CGAS: variants seen among roughly 807,000 people sequenced by gnomAD.
CGAS encodes cyclic GMP-AMP synthase.
In CGAS, 31 loss-of-function variants were observed where a neutral mutation model predicts 34.0. The ratio of observed to expected loss-of-function variants is 0.91; its 90% CI spans 0.69 to 1.23. The LOEUF is 1.23. Among genes scored for constraint, CGAS ranks in the 50% most tolerant of loss-of-function variants. The probability of loss-of-function intolerance (pLI) is 0.00; values close to 1 mark genes in which losing one functional copy is unlikely to be tolerated. For synonymous variants in CGAS, 266 were observed against 260.0 expected, an observed-to-expected ratio of 1.02 and a Z score of -0.22; for missense variants, 597 against 657.6, an observed-to-expected ratio of 0.91 and a Z score of 1.01.
chr6:73,432,204 C>G (rs1346491040), intron 3 of CGAS, among the ~76,000 whole-genome samples: 1 of 152,054 alleles, frequency 6.6e-6, no homozygotes, highest in Non-Finnish European at 1.5e-5. Flanking sequence ...CTCTGTTGCC[C>G]AGGCTGGAGT....
intron 2 of CGAS, among the ~76,000 whole-genome samples, chr6:73,443,405 G>GT (rs1367987819): frequency 6.6e-6 from 1 of 151,258 alleles, no homozygotes; most frequent in Non-Finnish European, 1.5e-5. Flanking sequence ...CGCCCGGCTA[G>GT]TTTTTTGTAT....
chr6:73,428,201 G>A (rs1246975947), intron 4 of CGAS, among the ~76,000 whole-genome samples: 2 of 151,568 alleles, frequency 1.3e-5, no homozygotes, highest in Non-Finnish European at 2.9e-5. Context: ...TCCAGTCTGG[G>A]TGACAGAGTG....
rs1295939197 is a variant in CGAS, at chr6:73,452,029, G to A, written c.153C>T (p.Phe51=). The A allele has an allele frequency of 1.3e-6, 2 of 1,492,608 alleles. No homozygotes were observed. Among genetic ancestry groups the A allele is most frequent in the Middle Eastern group, 1.8e-4 (1 of 5,448 alleles). 92.5% of individuals were successfully genotyped at this position (1,492,608 alleles called of 1,614,324 possible). The change falls in exon 1 of 5, where the codon TTC becomes TTT. Residue 51 remains phenylalanine, a synonymous_variant. Coordinates refer to ENST00000370315, the MANE Select transcript of CGAS (RefSeq NM_138441.3). ...PEAALPKAGK[F]GPARKSGSRQ... Reference sequence around the variant, plus strand: ...GGGATCCCGACTTCCTGGCGGGGCCGAACTTTCCCGCCTTAGGCAGGGCGG... The same window carrying A: ...GGGATCCCGACTTCCTGGCGGGGCCAAACTTTCCCGCCTTAGGCAGGGCGG...
At chr6:73,446,885 G>A (rs1054730661) in intron 1 of CGAS, among the ~76,000 whole-genome samples, 3 of 151,894 alleles carry the variant, frequency 2.0e-5, no homozygotes, top group East Asian at 1.9e-4. Context: ...GTGGAACTTC[G>A]TCTCTATTAA....
Position 73,424,235 on chromosome 6 carries a change from C to CT in CGAS, c.*991_*992insA, listed in dbSNP as rs1220548669. 6.6e-6 allele frequency: 1 copy of CT among 152,066 alleles called. No individual in the cohort carries two copies. Among genetic ancestry groups the CT allele is most frequent in the Non-Finnish European group, 1.5e-5 (1 of 68,024 alleles). The allele number at this position is 152,066 out of a possible 1,614,324, so 9.4% of individuals were successfully genotyped here. A position where few individuals can be genotyped will look rare whatever the true frequency, so the allele number is the denominator to read the frequency against. ...GGATCACAAGGTAAGGAGATCGAGA[C>CT]CATCCTGGCTAACATGGTGAAACCC... On this transcript the variant is annotated 3_prime_UTR_variant, in exon 5 of 5. Transcript: ENST00000370315.
rs762186167 is a variant in CGAS, at chr6:73,428,729, G to C, written c.1197C>G (p.Asn399Lys). The change falls in exon 4 of 5, where the codon AAC (asparagine) becomes AAG (lysine). Residue 399 changes from asparagine to lysine, a missense_variant. Around this residue, in one of 3 missense-constraint regions of CGAS, gnomAD observed 271 missense variants for 324.1 expected, o/e 0.84. Transcript: ENST00000370315. Reference protein sequence around the residue: ...NHGKSKTCCENKEEKCCRKDC... With the variant: ...NHGKSKTCCEKKEEKCCRKDC... ...GTTACCTGCAACATTTCTCTTCTTT[G>C]TTTTCACAGCACGTTTTAGATTTTC... 5.6e-6 allele frequency: 9 copies of C among 1,612,866 alleles called. No individual in the cohort carries two copies. The highest frequency in any genetic ancestry group is 2.2e-5 in the South Asian group (2 of 90,766).
intron 3 of CGAS, among the ~76,000 whole-genome samples, chr6:73,429,885 C>T (rs1294027208): frequency 3.9e-5 from 6 of 151,942 alleles, no homozygotes; most frequent in Non-Finnish European, 7.4e-5. Flanking sequence ...CTCTGACCAC[C>T]CTGTTACTTC....
In CGAS at chr6:73,433,474, T is replaced by G. The variant is rs1269761943; in HGVS notation, c.1115-4663A>C. 3.4e-5 allele frequency among the ~76,000 whole-genome samples: 5 copies of G among 148,024 alleles called. No homozygotes were observed. The Admixed American group carries it at 3.4e-4, about 10-fold the overall frequency. ...AGACTCACAACTCTCTATAAAAACTTTTATAGAGAGTTTTTTTTTTTTAAT... is the reference window on the plus strand; with the variant it reads ...AGACTCACAACTCTCTATAAAAACTGTTATAGAGAGTTTTTTTTTTTTAAT... On this transcript the variant is annotated intron_variant, in intron 3 of 4. Coordinates refer to ENST00000370315, the MANE Select transcript of CGAS (RefSeq NM_138441.3).
At chr6:73,439,430 G>A (rs1770336758) in intron 3 of CGAS, among the ~76,000 whole-genome samples, 1 of 149,410 alleles carries the variant, frequency 6.7e-6, no homozygotes, top group African/African-American at 2.5e-5. Context: ...GCAGCAAGCT[G>A]AGATTGTGCC....
chr6:73,450,097 GAGAGA>G (rs149585527), intron 1 of CGAS, among the ~76,000 whole-genome samples: 101 of 149,958 alleles, frequency 6.7e-4, no homozygotes, highest in African/African-American at 2.0e-3. Flanking sequence ...CAGAGAGATA[GAGAGA>G]AGAGAAGAGA....
Position 73,451,669 on chromosome 6 carries a change from C to CT in CGAS, c.512dup (p.Leu172ValfsTer7). 1 of 1,614,106 alleles carries CT rather than the reference C, an allele frequency of 6.2e-7. No individual in the cohort carries two copies. The highest frequency in any genetic ancestry group is 8.5e-7 in the Non-Finnish European group (1 of 1,180,024). On this transcript the variant is annotated frameshift_variant, in exon 1 of 5. Transcript: ENST00000370315. LOFTEE classifies it high-confidence loss of function. Reference sequence around the variant, plus strand: ...AGATATCATCGCGGCTGAGCTTCAACTTCTCCAAAACCGCCCGGAGCTTCG... The same window carrying CT: ...AGATATCATCGCGGCTGAGCTTCAACTTTCTCCAAAACCGCCCGGAGCTTCG...
chr6:73,425,931 G>A (rs1185928100), intron 4 of CGAS, among the ~76,000 whole-genome samples: 2 of 151,388 alleles, frequency 1.3e-5, no homozygotes, highest in South Asian at 2.1e-4. Context: ...CCAAGATCGC[G>A]TCATTGCACT....
rs573894080 is a variant in CGAS, at chr6:73,447,656, T to C, written c.658-1909A>G. 2.0e-5 allele frequency among the ~76,000 whole-genome samples: 3 copies of C among 152,236 alleles called. No individual in the cohort carries two copies. The South Asian group carries it at 6.2e-4, about 32-fold the overall frequency. ...ACAGTGGCTACTCACAGATAGATCATAGTGTACTGCAGCCTCAAACTCCTG... is the reference window on the plus strand; with the variant it reads ...ACAGTGGCTACTCACAGATAGATCACAGTGTACTGCAGCCTCAAACTCCTG... On this transcript the variant is annotated intron_variant, in intron 1 of 4. Coordinates refer to ENST00000370315, the MANE Select transcript of CGAS (RefSeq NM_138441.3).
intron 3 of CGAS, among the ~76,000 whole-genome samples, chr6:73,429,695 G>A (rs1038943573): frequency 1.6e-4 from 25 of 151,746 alleles, no homozygotes; most frequent in Admixed American, 1.1e-3. Context: ...GCGTGGTGGC[G>A]GGCGCCTGTA....
intron 4 of CGAS, 105 bp downstream of exon 4, chr6:73,428,604 C>T: frequency 3.0e-6 from 3 of 992,982 alleles, no homozygotes; most frequent in South Asian, 3.4e-5. Context: ...CCTGCCCTGC[C>T]CCCCAGACCC....
intron 1 of CGAS, among the ~76,000 whole-genome samples, chr6:73,446,884 C>T (rs527787456): frequency 2.0e-5 from 3 of 152,028 alleles, no homozygotes; most frequent in South Asian, 2.1e-4. Context: ...GGTGGAACTT[C>T]GTCTCTATTA....
chr6:73,438,421 G>A (rs1770312346), intron 3 of CGAS, among the ~76,000 whole-genome samples: 1 of 152,214 alleles, frequency 6.6e-6, no homozygotes, highest in South Asian at 2.1e-4. Context: ...ACCATGGCTA[G>A]ATGCAGTGGC....
At chr6:73,427,933 C>T (rs1230137256) in intron 4 of CGAS, among the ~76,000 whole-genome samples, 6 of 152,070 alleles carry the variant, frequency 3.9e-5, no homozygotes, top group Non-Finnish European at 7.4e-5. Context: ...CTACCTCAGC[C>T]TTCCAAGTAG....
Position 73,441,045 on chromosome 6 carries a change from CTTCTTTTCTT to C in CGAS, c.878-610_878-601del, listed in dbSNP as rs996639131. Among the ~76,000 whole-genome samples the C allele has an allele frequency of 4.6e-5, 7 of 151,006 alleles. No individual in the cohort carries two copies. The East Asian group carries it at 9.7e-4, about 21-fold the overall frequency. On this transcript the variant is annotated intron_variant, in intron 2 of 4. Transcript: ENST00000370315. ...TTTAAGAGTGCTGTGATTAAATTTT[CTTCTTTTCTT>C]TTCTTTTCTTTTTTCTTTTTCTTTT...
Sources: allele counts gnomAD v4.1 joint callset (sites outside exome capture counted in the v4.1 genomes callset), GRCh38; gene constraint gnomAD v4.1.1; regional missense constraint gnomAD v4.1.1; transcripts MANE v1.5; gene names NCBI Gene and HGNC (gene_info 2026-07-23, HGNC 2026-07-21).